The following GABRG3 variants were observed in gnomAD, a reference collection of about 807,000 sequenced individuals.
GABRG3 encodes gamma-aminobutyric acid receptor subunit gamma-3.
In GABRG3, 25 loss-of-function variants were observed where a neutral mutation model predicts 48.8. That is an observed-to-expected ratio of 0.51 (90% confidence interval 0.37 to 0.72). The LOEUF (loss-of-function observed/expected upper bound fraction) is 0.72, where lower values mean the gene tolerates loss of function less well. Ranked by LOEUF, GABRG3 falls within the 30% of genes least tolerant of loss-of-function variation. The probability of loss-of-function intolerance (pLI) is 0.00; values close to 1 mark genes in which losing one functional copy is unlikely to be tolerated. For synonymous variants in GABRG3, 227 were observed against 217.6 expected (o/e 1.04, Z -0.38); for missense variants, 394 against 577.9 (o/e 0.68, Z 3.26).
intron 3 of GABRG3, among the ~76,000 whole-genome samples, chr15:27,159,287 A>G (rs1898513726): frequency 6.6e-6 from 1 of 151,954 alleles, no homozygotes. Context: ...TTCAAGACCA[A>G]TCTGACCAAC....
At chr15:27,239,283 G>A (rs1389807315) in intron 3 of GABRG3, among the ~76,000 whole-genome samples, 1 of 152,168 alleles carries the variant, frequency 6.6e-6, no homozygotes, top group African/African-American at 2.4e-5. Flanking sequence ...GTTTTGTATG[G>A]AGTCTTTTTT....
rs1394412538 is a variant in GABRG3, at chr15:27,536,952, G to A, written c.*4071G>A. ...GGAAATTTTCTGTGATTTCCTTTGA[G>A]ACTTGAAGAATTACACCTGGTCTCC... On this transcript the variant is annotated 3_prime_UTR_variant, in exon 10 of 10. Transcript: ENST00000615808. 1 of 152,048 alleles carries A rather than the reference G, an allele frequency of 6.6e-6. No individual in the cohort carries two copies. The highest frequency in any genetic ancestry group is 1.5e-5 in the Non-Finnish European group (1 of 68,010). The allele number at this position is 152,048 out of a possible 1,614,324, so 9.4% of individuals were successfully genotyped here.
At chr15:27,138,680 C>T (rs1046937886) in intron 3 of GABRG3, among the ~76,000 whole-genome samples, 1 of 152,134 alleles carries the variant, frequency 6.6e-6, no homozygotes, top group Non-Finnish European at 1.5e-5. Context: ...CCCAGGCTTT[C>T]GTCATCTTTT....
intron 3 of GABRG3, among the ~76,000 whole-genome samples, chr15:27,262,133 C>T (rs1022120091): frequency 2.0e-5 from 3 of 152,284 alleles, no homozygotes; most frequent in Admixed American, 1.3e-4. Context: ...CTTGCTAAGG[C>T]GATGGCAGGA....
At chr15:27,000,860 G>A (rs1595463957) in intron 2 of GABRG3, among the ~76,000 whole-genome samples, 1 of 152,164 alleles carries the variant, frequency 6.6e-6, no homozygotes, top group South Asian at 2.1e-4. Context: ...TTTCTTTATA[G>A]CAATGCAAGA....
intron 5 of GABRG3, among the ~76,000 whole-genome samples, chr15:27,435,603 G>A (rs1476437677): frequency 6.6e-6 from 1 of 152,098 alleles, no homozygotes; most frequent in African/African-American, 2.4e-5. Context: ...AGTGTATGAG[G>A]AATGAATAGA....
chr15:27,237,268 A>G (rs1267356792), intron 3 of GABRG3, among the ~76,000 whole-genome samples: 1 of 152,262 alleles, frequency 6.6e-6, no homozygotes, highest in African/African-American at 2.4e-5. Context: ...ATGAGTGAAG[A>G]CCTAGAACAC....
At chr15:27,347,425 A>G (rs1894412244) in intron 5 of GABRG3, among the ~76,000 whole-genome samples, 1 of 152,046 alleles carries the variant, frequency 6.6e-6, no homozygotes, top group South Asian at 2.1e-4. Flanking sequence ...TTTCCCAGCT[A>G]CAGTGCCCCC....
At chr15:27,098,937 C>T (rs561409601) in intron 3 of GABRG3, among the ~76,000 whole-genome samples, 2 of 152,150 alleles carry the variant, frequency 1.3e-5, no homozygotes, top group African/African-American at 4.8e-5. Flanking sequence ...AGGCGGATTG[C>T]CTGGTGACCT....
At chr15:27,529,889 T>TAAA (rs539243697) in intron 9 of GABRG3, among the ~76,000 whole-genome samples, 1 of 116,636 alleles carries the variant, frequency 8.6e-6, no homozygotes, top group East Asian at 2.4e-4. Flanking sequence ...AGCAGAAAAT[T>TAAA]AAAAAAAAAA....
At position 27,537,788 on chromosome 15, in the gene GABRG3, G is replaced by A. The variant is rs920689350; in HGVS notation, c.*4907G>A. 2.0e-5 allele frequency: 3 copies of A among 150,776 alleles called. No individual in the cohort carries two copies. Among genetic ancestry groups the A allele is most frequent in the African/African-American group, 7.3e-5 (3 of 41,214 alleles). The allele number at this position is 150,776 out of a possible 1,614,324, so 9.3% of individuals were successfully genotyped here. A position where few individuals can be genotyped will look rare whatever the true frequency, so the allele number is the denominator to read the frequency against. On this transcript the variant is annotated 3_prime_UTR_variant, in exon 10 of 10. Coordinates refer to ENST00000615808, the MANE Select transcript of GABRG3 (RefSeq NM_033223.5). ...GATCTAGTTGTATTAAGGCCAAAAG[G>A]CAGACTTTCTTTATATTTATTTTTA...
intron 3 of GABRG3, among the ~76,000 whole-genome samples, chr15:27,301,603 C>T (rs1020397695): frequency 6.6e-6 from 1 of 151,864 alleles, no homozygotes; most frequent in Admixed American, 6.6e-5. Context: ...CTTAATGTTA[C>T]ATATATATGT....
intron 5 of GABRG3, among the ~76,000 whole-genome samples, chr15:27,433,120 T>TACTC (rs1447497357): frequency 6.6e-6 from 1 of 152,236 alleles, no homozygotes; most frequent in Non-Finnish European, 1.5e-5. Context: ...ACCATATTGG[T>TACTC]ACTCAAAATC....
chr15:27,308,674 T>C (rs1027125237), intron 3 of GABRG3, among the ~76,000 whole-genome samples: 1 of 148,374 alleles, frequency 6.7e-6, no homozygotes, highest in African/African-American at 2.5e-5. Context: ...AATGTAAACA[T>C]ACGCTTATGT....
intron 3 of GABRG3, among the ~76,000 whole-genome samples, chr15:27,262,103 A>T (rs1434014559): frequency 6.6e-6 from 1 of 152,162 alleles, no homozygotes; most frequent in African/African-American, 2.4e-5. Flanking sequence ...TCAATGATAA[A>T]CATCCTGCAT....
At chr15:27,232,311 T>A (rs752829714) in intron 3 of GABRG3, among the ~76,000 whole-genome samples, 2 of 152,192 alleles carry the variant, frequency 1.3e-5, no homozygotes, top group Admixed American at 6.5e-5. Flanking sequence ...AGAATGAACA[T>A]GACTCATATT....
chr15:27,263,950 AAAAG>A (rs1198099311), intron 3 of GABRG3, among the ~76,000 whole-genome samples: 3 of 23,114 alleles, frequency 1.3e-4, no homozygotes, highest in Non-Finnish European at 4.4e-4. Context: ...AAAAAGAAAA[AAAAG>A]AAAAGTGCTG....
chr15:27,075,682 C>A (rs973637924), intron 3 of GABRG3, among the ~76,000 whole-genome samples: 1 of 152,100 alleles, frequency 6.6e-6, no homozygotes, highest in Non-Finnish European at 1.5e-5. Context: ...AAAAGAAATC[C>A]GTGTCATAAG....
At chr15:27,110,181 C>T (rs917423989) in intron 3 of GABRG3, among the ~76,000 whole-genome samples, 3 of 151,746 alleles carry the variant, frequency 2.0e-5, no homozygotes, top group Non-Finnish European at 4.4e-5. Flanking sequence ...ATCATTTATG[C>T]TTATTTTTAA....
Sources: allele counts gnomAD v4.1 joint callset (sites outside exome capture counted in the v4.1 genomes callset), GRCh38; gene constraint gnomAD v4.1.1; transcripts MANE v1.5; gene names NCBI Gene and HGNC (gene_info 2026-07-23, HGNC 2026-07-21).